The following DYNC2H1 variants were observed in gnomAD, a reference collection of about 807,000 sequenced individuals.
The protein encoded by DYNC2H1 is cytoplasmic dynein 2 heavy chain 1.
DYNC2H1 carries 410 observed loss-of-function variants against 570.0 expected under a neutral mutation model. The observed-to-expected ratio is 0.72, with a 90% CI of 0.66 to 0.78. The LOEUF (loss-of-function observed/expected upper bound fraction) is 0.78. DYNC2H1 is among the 30% of genes least tolerant of loss of function. DYNC2H1 has a pLI of 0.00. For missense variants in DYNC2H1, 4,865 were observed against 5,046.4 expected (o/e 0.96, Z 1.09); for synonymous variants, 1,688 against 1,677.6 (o/e 1.01, Z -0.15).
chr11:103,226,738 G>A (rs544753785), intron 59 of DYNC2H1, among the ~76,000 whole-genome samples: 2 of 152,192 alleles, frequency 1.3e-5, no homozygotes, highest in South Asian at 2.1e-4. Context: ...ATTGATTTAG[G>A]GAGGATTCCC....
rs1383142937 is a variant in DYNC2H1, at chr11:103,204,597, T to TA, written c.8312-224dup. ...CACACCACCCAGACATTATGACACT[T>TA]ACATTTTTCATGGACATTTTTCTGA... On this transcript the variant is annotated intron_variant, in intron 51 of 88. Transcript: ENST00000375735. The surrounding 1 kb of genome is among the most constrained non-coding windows in gnomAD (Gnocchi z 4.1). Among the ~76,000 whole-genome samples, 5 of 152,186 alleles carry TA rather than the reference T, an allele frequency of 3.3e-5. No individual in the cohort carries two copies. Among genetic ancestry groups the TA allele is most frequent in the African/African-American group, 9.7e-5 (4 of 41,446 alleles).
At chr11:103,291,432 C>T (rs982466697) in intron 75 of DYNC2H1, among the ~76,000 whole-genome samples, 1 of 138,142 alleles carries the variant, frequency 7.2e-6, no homozygotes, top group Non-Finnish European at 1.6e-5. Context: ...AGCAAGCCTC[C>T]ATCTCAATAA....
chr11:103,191,597 A>C lies in DYNC2H1; in HGVS notation c.7518A>C (p.Leu2506Phe). 6.2e-7 allele frequency: 1 copy of C among 1,607,504 alleles called. No homozygotes were observed. Among genetic ancestry groups the C allele is most frequent in the South Asian group, 1.1e-5 (1 of 89,652 alleles). The change falls in exon 46 of 89, where the codon TTA (leucine) becomes TTC (phenylalanine). Residue 2506 changes from leucine (L) to phenylalanine (F), a missense_variant. Leu to Phe is a conservative substitution (Grantham distance 22). Around this residue, in one of 5 missense-constraint regions of DYNC2H1, gnomAD observed 2,401 missense variants for 2,454.6 expected, o/e 0.98. Transcript: ENST00000375735. ...PCILTQWVLG[L>F]FRYDLEGGSS... is the part of the protein sequence containing the mutation. ...TTCTTACCCAATGGGTTCTTGGCTT[A>C]TTTAGATATGATTTAGAAGGAGGTG...
At chr11:103,278,618 A>G (rs1157539227) in intron 70 of DYNC2H1, among the ~76,000 whole-genome samples, 1 of 151,336 alleles carries the variant, frequency 6.6e-6, no homozygotes, top group Non-Finnish European at 1.5e-5. Flanking sequence ...AGGCTGGAGT[A>G]TGCAATGGGG....
intron 86 of DYNC2H1, 38 bp downstream of exon 86, chr11:103,455,333 C>A (rs191050725): frequency 6.4e-7 from 1 of 1,568,172 alleles, no homozygotes; most frequent in Non-Finnish European, 8.8e-7. Flanking sequence ...TTGTCCCTGA[C>A]GGTAATTAGT....
Position 103,156,816 on chromosome 11 carries a change from A to T in DYNC2H1, c.4127+46A>T, listed in dbSNP as rs113925772. On this transcript the variant is annotated intron_variant, in intron 26 of 88. Coordinates refer to ENST00000375735, the MANE Select transcript of DYNC2H1 (RefSeq NM_001377.3). Reference sequence around the variant, plus strand: ...CATAGACACATATGGTATTTTTTTTAAATTAATTCATATTGTGAAGTGCTT... The same window carrying T: ...CATAGACACATATGGTATTTTTTTTTAATTAATTCATATTGTGAAGTGCTT... 1,241 of 1,569,026 alleles carry T rather than the reference A, an allele frequency of 7.9e-4. 10 individuals carry two copies. In the African/African-American group the frequency reaches 0.015, roughly 18 times the overall value.
intron 11 of DYNC2H1, 59 bp from the exon 12 acceptor site, chr11:103,125,041 T>C: frequency 1.5e-6 from 2 of 1,350,438 alleles, no homozygotes; most frequent in South Asian, 1.4e-5. Context: ...ACCTATTGTG[T>C]TTATTAGTCA....
intron 83 of DYNC2H1, among the ~76,000 whole-genome samples, chr11:103,399,017 C>T (rs1942509055): frequency 6.6e-6 from 1 of 151,956 alleles, no homozygotes; most frequent in South Asian, 2.1e-4. Flanking sequence ...AGTAGTATTG[C>T]AGTTGTTCTG....
chr11:103,468,096 C>T (rs1266437260), intron 87 of DYNC2H1, among the ~76,000 whole-genome samples: 1 of 152,162 alleles, frequency 6.6e-6, no homozygotes, highest in Non-Finnish European at 1.5e-5. Context: ...ACCAAGGTTA[C>T]CTTAAAGACA....
At position 103,115,257 on chromosome 11, in the gene DYNC2H1, GC is replaced by G; in HGVS notation, c.585del (p.Asn196IlefsTer23). The G allele has an allele frequency of 1.2e-6, 2 of 1,603,888 alleles. No individual in the cohort carries two copies. The highest frequency in any genetic ancestry group is 1.1e-5 in the South Asian group (1 of 88,730). ...AAATAAACAGATTAGTAAAGAAAGA[GC>G]CAATTATTTTAAAGAATTATTTGAA... ...RGNKQISKERANYFKELFETI... is the reference protein window; with the variant it reads ...RGNKQISKERXNYFKELFETI... On this transcript the variant is annotated frameshift_variant, in exon 4 of 89. Transcript: ENST00000375735. LOFTEE classifies it high-confidence loss of function.
chr11:103,453,146 A>T (rs1369931205), intron 85 of DYNC2H1, among the ~76,000 whole-genome samples: 3 of 152,066 alleles, frequency 2.0e-5, no homozygotes, highest in Non-Finnish European at 4.4e-5. Flanking sequence ...ATAGTCATAG[A>T]AGGGACTAGA....
At chr11:103,342,367 G>A (rs992024441) in intron 82 of DYNC2H1, among the ~76,000 whole-genome samples, 21 of 152,160 alleles carry the variant, frequency 1.4e-4, no homozygotes, top group Admixed American at 5.2e-4. Flanking sequence ...GGACATGGGC[G>A]GGGACAAATA....
chr11:103,376,173 A>T (rs1470097618), intron 83 of DYNC2H1, among the ~76,000 whole-genome samples: 1 of 152,138 alleles, frequency 6.6e-6, no homozygotes, highest in Non-Finnish European at 1.5e-5. Context: ...TTCGGCCATG[A>T]TTGTAAATTT....
chr11:103,329,466 G>A (rs1353320400), intron 82 of DYNC2H1, among the ~76,000 whole-genome samples: 1 of 152,120 alleles, frequency 6.6e-6, no homozygotes, highest in Non-Finnish European at 1.5e-5. Context: ...GGGTGAAAAA[G>A]TGATGCAAAT....
intron 67 of DYNC2H1, among the ~76,000 whole-genome samples, 182 bp downstream of exon 67, chr11:103,255,716 A>T (rs1591481693): frequency 6.6e-6 from 1 of 152,102 alleles, no homozygotes; most frequent in Non-Finnish European, 1.5e-5. Context: ...CAAGATCTTA[A>T]TGAGCAATGT....
intron 73 of DYNC2H1, among the ~76,000 whole-genome samples, chr11:103,285,790 T>C (rs1265168750): frequency 5.9e-5 from 9 of 152,106 alleles, no homozygotes; most frequent in Non-Finnish European, 1.2e-4. Context: ...GCAAAATTCT[T>C]ATTAAAATAG....
chr11:103,212,517 A>G lies in DYNC2H1; in HGVS notation c.8694+574A>G, dbSNP rs567569015. Among the ~76,000 whole-genome samples the G allele has an allele frequency of 2.6e-5, 4 of 152,242 alleles. 1 individual carries two copies. The South Asian group carries it at 8.3e-4, about 32-fold the overall frequency. On this transcript the variant is annotated intron_variant, in intron 54 of 88. Transcript: ENST00000375735. ...AACATAATATCCAAGATTATATTTT[A>G]TAATAACCTTTAAAATTAAGATTAT...
intron 54 of DYNC2H1, among the ~76,000 whole-genome samples, chr11:103,212,311 G>T (rs1214598941): frequency 6.6e-6 from 1 of 151,964 alleles, no homozygotes; most frequent in Non-Finnish European, 1.5e-5. Context: ...AGAGTAGGGT[G>T]GGGAGGGATA....
chr11:103,470,868 A>G (rs192988755), intron 88 of DYNC2H1, among the ~76,000 whole-genome samples: 125 of 152,350 alleles, frequency 8.2e-4, no homozygotes, highest in African/African-American at 2.9e-3. Context: ...TAGTGCCGCT[A>G]TAAACATACG....
Sources: allele counts gnomAD v4.1 joint callset (sites outside exome capture counted in the v4.1 genomes callset), GRCh38; gene constraint gnomAD v4.1.1; regional missense constraint gnomAD v4.1.1; non-coding constraint Gnocchi (gnomAD v3.1); transcripts MANE v1.5; gene names NCBI Gene and HGNC (gene_info 2026-07-23, HGNC 2026-07-21).